GALK2: variants seen among roughly 807,000 people sequenced by gnomAD.
GALK2 encodes the protein N-acetylgalactosamine kinase.
A neutral mutation model predicts 52.4 loss-of-function variants in GALK2; 36 were observed. The observed-to-expected ratio is 0.69, with a 90% confidence interval of 0.53 to 0.91. The LOEUF (loss-of-function observed/expected upper bound fraction) is 0.91, where lower values mean the gene tolerates loss of function less well. Ranked by LOEUF, GALK2 falls within the 40% of genes least tolerant of loss-of-function variation. The pLI is 0.00. For missense variants in GALK2, 579 were observed against 559.1 expected, an observed-to-expected ratio of 1.04 and a Z score of -0.36; for synonymous variants, 176 against 199.1, an observed-to-expected ratio of 0.88 and a Z score of 0.98.
chr15:49,229,582 C>A (rs1039441294), intron 3 of GALK2, among the ~76,000 whole-genome samples: 2 of 152,074 alleles, frequency 1.3e-5, no homozygotes, highest in African/African-American at 4.8e-5. Context: ...TTGGTCACAG[C>A]CATTCTTAGT....
intron 2 of GALK2, among the ~76,000 whole-genome samples, chr15:49,208,097 C>A (rs1326566634): frequency 6.6e-6 from 1 of 152,152 alleles, no homozygotes; most frequent in Admixed American, 6.5e-5. Context: ...AAAGACCCAT[C>A]TTTTTGTTTC....
intron 1 of GALK2, among the ~76,000 whole-genome samples, chr15:49,170,863 C>T (rs1468448972): frequency 6.6e-6 from 1 of 151,904 alleles, no homozygotes; most frequent in East Asian, 1.9e-4. Context: ...GCTGGCAGTC[C>T]CTAGCTACAC....
At chr15:49,289,641 C>A (rs974997424) in intron 7 of GALK2, among the ~76,000 whole-genome samples, 1 of 152,154 alleles carries the variant, frequency 6.6e-6, no homozygotes, top group African/African-American at 2.4e-5. Flanking sequence ...CTGAGCTTTA[C>A]ACATACAGGT....
At chr15:49,327,637 A>G (rs1479665129) in intron 9 of GALK2, 3 of 198,560 alleles carry the variant, frequency 1.5e-5, no homozygotes, top group Non-Finnish European at 3.0e-5. Context: ...TAAGCTTGCT[A>G]TACAACTCTT....
chr15:49,327,421 G>C lies in GALK2; in HGVS notation c.1170-531G>C, dbSNP rs931304062. 9 of 152,338 alleles carry C rather than the reference G, an allele frequency of 5.9e-5. 1 individual carries two copies. The highest frequency in any genetic ancestry group is 2.2e-4 in the African/African-American group (9 of 41,564). The allele number at this position is 152,338 out of a possible 1,614,324, so 9.4% of individuals were successfully genotyped here. A position where few individuals can be genotyped will look rare whatever the true frequency, so the allele number is the denominator to read the frequency against. ...TTGATAAGTTTATTCAGTGAACTAGGCTATCTGTTCTAGGGGACTGATTCT... is the reference window on the plus strand; with the variant it reads ...TTGATAAGTTTATTCAGTGAACTAGCCTATCTGTTCTAGGGGACTGATTCT... On this transcript the variant is annotated intron_variant, in intron 9 of 9. Coordinates refer to ENST00000560031, the MANE Select transcript of GALK2 (RefSeq NM_002044.4).
chr15:49,337,060 A>G (rs1441407045), intron 3 of GALK2, among the ~76,000 whole-genome samples: 1 of 152,218 alleles, frequency 6.6e-6, no homozygotes, highest in Non-Finnish European at 1.5e-5. Context: ...TCCATGGTGT[A>G]TATGTACCAC....
At chr15:49,320,366 A>G (rs2036779475) in intron 9 of GALK2, among the ~76,000 whole-genome samples, 3 of 152,222 alleles carry the variant, frequency 2.0e-5, no homozygotes, top group Admixed American at 1.3e-4. Flanking sequence ...AGCCCAGGTG[A>G]TACATGGTTA....
At chr15:49,248,679 A>G (rs1171374641) in intron 5 of GALK2, among the ~76,000 whole-genome samples, 2 of 152,182 alleles carry the variant, frequency 1.3e-5, no homozygotes, top group African/African-American at 2.4e-5. Context: ...TAGGAGTAGG[A>G]TTGGAGACTG....
intron 1 of GALK2, among the ~76,000 whole-genome samples, chr15:49,173,641 A>G (rs953119881): frequency 3.3e-5 from 5 of 152,174 alleles, no homozygotes; most frequent in African/African-American, 7.2e-5. Flanking sequence ...ATATATTCAC[A>G]TAAGTCCAAT....
At chr15:49,311,969 G>C (rs2036027818) in intron 8 of GALK2, among the ~76,000 whole-genome samples, 1 of 152,166 alleles carries the variant, frequency 6.6e-6, no homozygotes, top group African/African-American at 2.4e-5. Flanking sequence ...GCCGGGGGCT[G>C]TCCACACAGT....
At chr15:49,222,828 A>G (rs1286476105) in intron 3 of GALK2, among the ~76,000 whole-genome samples, 1 of 152,226 alleles carries the variant, frequency 6.6e-6, no homozygotes. Context: ...ATATATGTAA[A>G]TAGGGATCTT....
intron 1 of GALK2, among the ~76,000 whole-genome samples, chr15:49,189,550 A>G: frequency 6.6e-6 from 1 of 152,298 alleles, no homozygotes; most frequent in Middle Eastern, 3.4e-3. Flanking sequence ...AGAGATTAAC[A>G]ATAATAACTA....
intron 5 of GALK2, among the ~76,000 whole-genome samples, chr15:49,264,962 G>A (rs1340664689): frequency 6.6e-6 from 1 of 152,176 alleles, no homozygotes; most frequent in Non-Finnish European, 1.5e-5. Flanking sequence ...ACCCAGCCGT[G>A]TGAGGTGTCA....
chr15:49,327,902 C>T lies in GALK2; in HGVS notation c.1170-50C>T, dbSNP rs749120317. On this transcript the variant is annotated intron_variant, in intron 9 of 9. Transcript: ENST00000560031. ...GTGTTCTACAAACACCAAGCAAATCCCTTGTATTTTCATTTATAGGTTCTA... is the reference window on the plus strand; with the variant it reads ...GTGTTCTACAAACACCAAGCAAATCTCTTGTATTTTCATTTATAGGTTCTA... 5 of 1,551,548 alleles carry T rather than the reference C, an allele frequency of 3.2e-6. No individual in the cohort carries two copies. In the Admixed American group the frequency reaches 9.1e-5, roughly 28 times the overall value.
At chr15:49,261,056 T>C (rs562729893) in intron 5 of GALK2, among the ~76,000 whole-genome samples, 1 of 152,076 alleles carries the variant, frequency 6.6e-6, no homozygotes, top group African/African-American at 2.4e-5. Flanking sequence ...GCAGGCTCTT[T>C]TTTGGTTCCA....
chr15:49,175,454 CTTAACT>C lies in GALK2; in HGVS notation c.53+5083_53+5088del, dbSNP rs1485562950. ...CACCTCGACCTGTAACTTTTGTTAC[CTTAACT>C]TTAGAGTCCCCCTTACCTGATAAAG... On this transcript the variant is annotated intron_variant, in intron 1 of 9. Transcript: ENST00000560031. 3.3e-5 allele frequency among the ~76,000 whole-genome samples: 5 copies of C among 152,162 alleles called. 1 individual carries two copies. In the South Asian group the frequency reaches 1.0e-3, roughly 32 times the overall value.
At chr15:49,233,468 T>C (rs2090619939) in intron 3 of GALK2, among the ~76,000 whole-genome samples, 1 of 152,236 alleles carries the variant, frequency 6.6e-6, no homozygotes, top group African/African-American at 2.4e-5. Context: ...ACGTTGCTCA[T>C]GTAGCTTCCT....
At chr15:49,159,554 C>G (rs909610596) in intron 1 of GALK2, among the ~76,000 whole-genome samples, 1 of 144,332 alleles carries the variant, frequency 6.9e-6, no homozygotes, top group African/African-American at 2.6e-5. Flanking sequence ...CCAGCCTGGG[C>G]GACAGAACAA....
In GALK2 at chr15:49,201,259, A is replaced by G. The variant is rs771807371; in HGVS notation, c.142+9A>G. 6.6e-7 allele frequency: 1 copy of G among 1,525,476 alleles called. No homozygotes were observed. The highest frequency in any genetic ancestry group is 1.7e-5 in the Admixed American group (1 of 58,660). 94.5% of individuals were successfully genotyped at this position (1,525,476 alleles called of 1,614,324 possible). A position where few individuals can be genotyped will look rare whatever the true frequency, so the allele number is the denominator to read the frequency against. On this transcript the variant is annotated intron_variant, in intron 2 of 9. Coordinates refer to ENST00000560031, the MANE Select transcript of GALK2 (RefSeq NM_002044.4). Reference sequence around the variant, plus strand: ...AAGAGTCAACATAATAGGTATTTCAAAAGTTCCTTCTCTTAATTTTTTTCT... The same window carrying G: ...AAGAGTCAACATAATAGGTATTTCAGAAGTTCCTTCTCTTAATTTTTTTCT...
Sources: gnomAD v4.1 joint callset for allele counts (sites outside exome capture counted in the v4.1 genomes callset) on GRCh38, gnomAD v4.1.1 for gene constraint, MANE v1.5 for transcripts, NCBI Gene and HGNC (gene_info 2026-07-23, HGNC 2026-07-21) for gene names.